The following TEX14 variants were observed in gnomAD, a reference collection of about 807,000 sequenced individuals.
TEX14 encodes inactive serine/threonine-protein kinase TEX14.
Under a neutral mutation model 178.6 loss-of-function variants are expected in TEX14, and 168 were observed. The ratio of observed to expected loss-of-function variants is 0.94; its 90% CI spans 0.83 to 1.07. The LOEUF is 1.07. Ranked by LOEUF, TEX14 falls within the 50% of genes least tolerant of loss-of-function variation. TEX14 has a pLI of 0.00. For synonymous variants in TEX14, 626 were observed against 634.1 expected (o/e 0.99, Z 0.19); for missense variants, 1,730 against 1,753.6 (o/e 0.99, Z 0.24).
intron 2 of TEX14, among the ~76,000 whole-genome samples, chr17:58,635,953 C>G (rs1180332452): frequency 6.6e-6 from 1 of 152,138 alleles, no homozygotes; most frequent in Non-Finnish European, 1.5e-5. Context: ...CCATGTTGCC[C>G]AGGCTGGTCT....
intron 3 of TEX14, among the ~76,000 whole-genome samples, chr17:58,626,939 A>G (rs945692545): frequency 3.3e-5 from 5 of 152,190 alleles, no homozygotes; most frequent in African/African-American, 9.7e-5. Flanking sequence ...AATTTTTTAA[A>G]AACTTTTTTT....
chr17:58,661,199 T>A, intron 1 of TEX14: 1 of 797,972 alleles, frequency 1.3e-6, no homozygotes, highest in Non-Finnish European at 2.3e-6. Context: ...TTCAGCTGAG[T>A]TGGTCTTGGT....
At chr17:58,581,013 A>C (rs911022772) in intron 19 of TEX14, among the ~76,000 whole-genome samples, 3 of 152,192 alleles carry the variant, frequency 2.0e-5, no homozygotes, top group African/African-American at 7.2e-5. Context: ...ATTAAGTAGC[A>C]TGAATAAAAA....
chr17:58,571,712 T>G (rs1422017207), intron 24 of TEX14, among the ~76,000 whole-genome samples: 1 of 152,168 alleles, frequency 6.6e-6, no homozygotes, highest in African/African-American at 2.4e-5. Flanking sequence ...ATCAAAACTC[T>G]CAGGGAAGTA....
At chr17:58,677,119 CAAAAAAAAAAA>C (rs35953337) in intron 1 of TEX14, among the ~76,000 whole-genome samples, 1 of 78,628 alleles carries the variant, frequency 1.3e-5, no homozygotes, top group Admixed American at 1.6e-4. Context: ...AACTCCGTCT[CAAAAAAAAAAA>C]AAAAAAAAAA....
intron 2 of TEX14, among the ~76,000 whole-genome samples, chr17:58,644,725 T>C (rs2046658480): frequency 1.6e-5 from 2 of 121,638 alleles, no homozygotes; most frequent in South Asian, 5.9e-4. Context: ...CACTGCAACC[T>C]CCGCCCCCCC....
At chr17:58,582,727 C>T (rs1309723417) in intron 19 of TEX14, among the ~76,000 whole-genome samples, 2 of 151,708 alleles carry the variant, frequency 1.3e-5, no homozygotes, top group African/African-American at 4.8e-5. Context: ...CCACACCTGT[C>T]TACTTTTTGT....
chr17:58,623,143 T>C (rs990162610), intron 3 of TEX14, 131 bp from the exon 4 acceptor site: 1 of 677,494 alleles, frequency 1.5e-6, no homozygotes, highest in South Asian at 2.1e-5. Flanking sequence ...AACAACATCA[T>C]TTGTGAGGCC....
Position 58,615,351 on chromosome 17 carries a change from A to G in TEX14, c.768-6T>C, listed in dbSNP as rs981284572. On this transcript the variant is annotated splice_polypyrimidine_tract_variant and splice_region_variant and intron_variant, in intron 7 of 31. Transcript: ENST00000349033. ...TGCTCCCATTCCACACTAGGCTACA[A>G]GGACAGGAAAGAGTTTCAGCAGAAA... 1 of 1,558,318 alleles carries G rather than the reference A, an allele frequency of 6.4e-7. No homozygotes were observed. Among genetic ancestry groups the G allele is most frequent in the East Asian group, 2.2e-5 (1 of 44,590 alleles).
intron 1 of TEX14, among the ~76,000 whole-genome samples, chr17:58,667,565 T>C (rs746161393): frequency 6.6e-6 from 1 of 152,160 alleles, no homozygotes; most frequent in Non-Finnish European, 1.5e-5. Flanking sequence ...CCCCATTTCA[T>C]GGATAAAGAA....
At chr17:58,601,074 C>T (rs941033535) in intron 13 of TEX14, among the ~76,000 whole-genome samples, 1 of 151,728 alleles carries the variant, frequency 6.6e-6, no homozygotes, top group Non-Finnish European at 1.5e-5. Context: ...CATAATGAGA[C>T]CTCATCTCTA....
In TEX14 at chr17:58,599,366, A is replaced by G. The variant is rs143467737; in HGVS notation, c.1979T>C (p.Met660Thr). Residue 660 changes from methionine (M) to threonine (T), a missense_variant, in exon 14 of 32, where the codon ATG (methionine) becomes ACG (threonine). Physicochemically the swap from Met to Thr is moderately conservative, Grantham distance 81. This residue lies in a region of TEX14 where 941 missense variants were observed against 1,072.4 expected (regional missense o/e 0.88). Transcript: ENST00000349033. ...GPNQVDELKSMEEELDKMERE... is the reference protein window; with the variant it reads ...GPNQVDELKSTEEELDKMERE... ...CTCCATCTTATCCAGCTCTTCTTCC[A>G]TGGATTTCAGTTCATCTACCTGGTT... The G allele has an allele frequency of 7.7e-4, 1,240 of 1,614,118 alleles. 2 individuals carry two copies. Among genetic ancestry groups the G allele is most frequent in the Non-Finnish European group, 9.8e-4 (1,162 of 1,180,030 alleles).
chr17:58,568,940 A>C (rs1463933962), intron 26 of TEX14, among the ~76,000 whole-genome samples: 1 of 152,154 alleles, frequency 6.6e-6, no homozygotes, highest in East Asian at 1.9e-4. Flanking sequence ...TTCCCCTTAG[A>C]TTCATCAACA....
At chr17:58,598,795 G>T in intron 14 of TEX14, 81 bp downstream of exon 14, 8 of 1,314,810 alleles carry the variant, frequency 6.1e-6, no homozygotes, top group Non-Finnish European at 8.4e-6. Flanking sequence ...TTACTTTGGA[G>T]ACTTGGGTGA....
chr17:58,623,795 G>A (rs952172863), intron 3 of TEX14, among the ~76,000 whole-genome samples: 1 of 134,128 alleles, frequency 7.5e-6, no homozygotes, highest in Non-Finnish European at 1.6e-5. Flanking sequence ...AGGAGAAGAT[G>A]AAGAAGAGGA....
intron 1 of TEX14, chr17:58,661,249 C>T: frequency 1.3e-6 from 1 of 796,076 alleles, no homozygotes; most frequent in East Asian, 2.4e-5. Context: ...AGTAATGGCA[C>T]TGAGTTAAGT....
Position 58,569,302 on chromosome 17 carries a change from C to A in TEX14, c.3818-42G>T. Reference sequence around the variant, plus strand: ...ACAAAAGGGAAAATGTCTTAACACCCTCCTGGACCTGAACTGAATTTTTCT... The same window carrying A: ...ACAAAAGGGAAAATGTCTTAACACCATCCTGGACCTGAACTGAATTTTTCT... On this transcript the variant is annotated intron_variant, in intron 25 of 31. Coordinates refer to ENST00000349033, the MANE Select transcript of TEX14 (RefSeq NM_031272.5). The surrounding 1 kb of genome is among the most constrained non-coding windows in gnomAD (Gnocchi z 4.1). The A allele has an allele frequency of 6.5e-7, 1 of 1,527,874 alleles. No homozygotes were observed. The highest frequency in any genetic ancestry group is 1.1e-5 in the South Asian group (1 of 88,750). The allele number at this position is 1,527,874 out of a possible 1,614,324, so 94.6% of individuals were successfully genotyped here.
chr17:58,624,007 G>A (rs2144555661), intron 3 of TEX14, among the ~76,000 whole-genome samples: 1 of 152,312 alleles, frequency 6.6e-6, no homozygotes, highest in African/African-American at 2.4e-5. Context: ...AAACAGGCCG[G>A]GTGTGGTGGC....
intron 24 of TEX14, among the ~76,000 whole-genome samples, chr17:58,571,093 A>C (rs2044513289): frequency 6.6e-6 from 1 of 152,132 alleles, no homozygotes; most frequent in Admixed American, 6.5e-5. Context: ...GGTGCTTGGC[A>C]CTTAGAATCT....
Sources: gnomAD v4.1 joint callset for allele counts (sites outside exome capture counted in the v4.1 genomes callset) on GRCh38, gnomAD v4.1.1 for gene constraint, gnomAD v4.1.1 regional missense constraint, Gnocchi (gnomAD v3.1) non-coding constraint, MANE v1.5 for transcripts, NCBI Gene and HGNC (gene_info 2026-07-23, HGNC 2026-07-21) for gene names.